Variants in ATR observed in about 807,000 individuals in gnomAD.
The protein encoded by ATR is ATR checkpoint kinase, also known as serine/threonine-protein kinase ATR.
In ATR, 142 loss-of-function variants were observed where a neutral mutation model predicts 305.3. The ratio of observed to expected loss-of-function variants is 0.47; its 90% CI spans 0.41 to 0.53. The LOEUF is 0.53. Among genes scored for constraint, ATR ranks in the 20% least tolerant of loss-of-function variants. The probability of loss-of-function intolerance (pLI) is 0.00; values close to 1 mark genes in which losing one functional copy is unlikely to be tolerated. For missense variants in ATR, 2,135 were observed against 3,133.1 expected (o/e 0.68, Z 7.60); for synonymous variants, 1,050 against 1,068.1 (o/e 0.98, Z 0.33).
rs1364520239 is a variant in ATR at position 142,468,011 on chromosome 3, T to C, written c.6610A>G (p.Met2204Val). 2 of 1,613,096 alleles carry C rather than the reference T, an allele frequency of 1.2e-6. No homozygotes were observed. Among genetic ancestry groups the C allele is most frequent in the East Asian group, 2.2e-5 (1 of 44,734 alleles). ...ACAAACTTCTCTAAGGATTTTTTCA[T>C]ATGAATAGCTTTATTGAGGATTTCC... ...CKEILNKAIHMKKSLEKFVGD... is the reference protein window; with the variant it reads ...CKEILNKAIHVKKSLEKFVGD... Residue 2204 changes from methionine to valine, a missense_variant, in exon 39 of 47, where the codon ATG (methionine) becomes GTG (valine). By Grantham distance (21) the Met-to-Val change is conservative. Around this residue, in one of 9 missense-constraint regions of ATR, gnomAD observed 462 missense variants for 887.6 expected, o/e 0.52. Coordinates refer to ENST00000350721, the MANE Select transcript of ATR (RefSeq NM_001184.4).
intron 32 of ATR, 120 bp from the exon 33 acceptor site, chr3:142,497,312 G>C (rs2031706832): frequency 3.0e-6 from 3 of 1,001,314 alleles, no homozygotes; most frequent in Admixed American, 2.5e-5. Context: ...GTCTTTGGTA[G>C]AACTTTAATA....
At chr3:142,451,882 A>G in intron 46 of ATR, 1 of 1,318,608 alleles carries the variant, frequency 7.6e-7, no homozygotes, top group Non-Finnish European at 1.0e-6. Flanking sequence ...AAGTTTTAAC[A>G]GGTTCAAGAA....
chr3:142,550,100 A>G (rs752225650), intron 14 of ATR, 32 bp downstream of exon 14: 4 of 1,611,762 alleles, frequency 2.5e-6, no homozygotes, highest in South Asian at 2.2e-5. Context: ...ACTGAATTGC[A>G]AACCTCAAGT....
At chr3:142,536,340 T>C in intron 19 of ATR, 139 bp from the exon 20 acceptor site, 1 of 653,218 alleles carries the variant, frequency 1.5e-6, no homozygotes, top group Non-Finnish European at 2.7e-6. Context: ...AAGTATTTTC[T>C]AACTATGTCT....
At chr3:142,514,455 C>T (rs1194182474) in intron 25 of ATR, among the ~76,000 whole-genome samples, 2 of 151,646 alleles carry the variant, frequency 1.3e-5, no homozygotes, top group Non-Finnish European at 2.9e-5. Context: ...CACGGTGAAA[C>T]CCCGTCTCTA....
intron 28 of ATR, among the ~76,000 whole-genome samples, chr3:142,507,280 C>T (rs1044613079): frequency 3.0e-4 from 45 of 152,192 alleles, no homozygotes; most frequent in African/African-American, 1.1e-3. Context: ...ATCATAACAT[C>T]GCCTAAATCA....
At chr3:142,519,414 G>A (rs1406597593) in intron 24 of ATR, among the ~76,000 whole-genome samples, 1 of 151,436 alleles carries the variant, frequency 6.6e-6, no homozygotes, top group Non-Finnish European at 1.5e-5. Context: ...TGATTCTCCT[G>A]CCCCAGCCTC....
chr3:142,560,494 T>C (rs2034837516), intron 5 of ATR, 40 bp from the exon 6 acceptor site: 1 of 1,539,218 alleles, frequency 6.5e-7, no homozygotes, highest in Non-Finnish European at 9.0e-7. Context: ...TCATATGCAA[T>C]ATAAATTTGG....
Position 142,512,306 on chromosome 3 carries a change from C to T in ATR, c.4806G>A (p.Glu1602=), listed in dbSNP as rs1559952973. ...ARHKFQALKA[E]KCPHSKSNRN... ...TGTTTGATTTGCTGTGTGGACATTTCTCAGCTTTCAGTGCCTGAAATTTGT... is the reference window on the plus strand; with the variant it reads ...TGTTTGATTTGCTGTGTGGACATTTTTCAGCTTTCAGTGCCTGAAATTTGT... Residue 1602 remains glutamate, a synonymous_variant, in exon 27 of 47, where the codon GAG becomes GAA. Transcript: ENST00000350721. 3 of 1,605,482 alleles carry T rather than the reference C, an allele frequency of 1.9e-6. No individual in the cohort carries two copies. Among genetic ancestry groups the T allele is most frequent in the Non-Finnish European group, 2.6e-6 (3 of 1,175,328 alleles).
intron 15 of ATR, among the ~76,000 whole-genome samples, chr3:142,548,621 A>G (rs2034356852): frequency 6.6e-6 from 1 of 151,552 alleles, no homozygotes; most frequent in Admixed American, 6.6e-5. Flanking sequence ...GTGAGCCGAG[A>G]TCGTGCCACT....
chr3:142,571,884 A>G (rs1283176436), intron 1 of ATR, among the ~76,000 whole-genome samples: 1 of 151,998 alleles, frequency 6.6e-6, no homozygotes, highest in Non-Finnish European at 1.5e-5. Context: ...CTCCTGCCTC[A>G]GCCTCCCAAG....
intron 33 of ATR, 30 bp from the exon 34 acceptor site, chr3:142,496,550 G>A: frequency 1.3e-6 from 2 of 1,596,984 alleles, no homozygotes; most frequent in Non-Finnish European, 1.7e-6. Context: ...ATTGGTGAGA[G>A]AGACCATTGG....
chr3:142,496,293 T>TAC (rs2031611786), intron 34 of ATR, 68 bp downstream of exon 34: 1 of 36,316 alleles, frequency 2.8e-5, no homozygotes, highest in African/African-American at 2.8e-4. Context: ...TATATATATA[T>TAC]ATATATATAT....
At chr3:142,462,202 G>A (rs774344261) in intron 41 of ATR, 112 bp from the exon 42 acceptor site, 75 of 1,071,646 alleles carry the variant, frequency 7.0e-5, no homozygotes, top group Admixed American at 3.2e-4. Flanking sequence ...TGTCATTGAA[G>A]GCTTACTATG....
At chr3:142,476,099 T>G (rs1309873136) in intron 36 of ATR, among the ~76,000 whole-genome samples, 1 of 152,234 alleles carries the variant, frequency 6.6e-6, no homozygotes, top group African/African-American at 2.4e-5. Context: ...TTTAGTTTAA[T>G]TAGACCCCAT....
chr3:142,560,432 G>C lies in ATR; in HGVS notation c.1372C>G (p.Gln458Glu). 1 of 1,612,064 alleles carries C rather than the reference G, an allele frequency of 6.2e-7. No individual in the cohort carries two copies. ...TEEIKHVDMNQKSILWSALKQ... is the reference protein window; with the variant it reads ...TEEIKHVDMNEKSILWSALKQ... ...AGTGCACTCCATAATATGCTCTTTT[G>C]GTTCATGTCCACATGTTTAATTCTA... is the stretch of plus-strand genomic sequence containing the variant. Residue 458 changes from glutamine (Q) to glutamate (E), a missense_variant, in exon 6 of 47, where the codon CAA becomes GAA. Around this residue, in one of 9 missense-constraint regions of ATR, gnomAD observed 744 missense variants for 873.2 expected, o/e 0.85. Coordinates refer to ENST00000350721, the MANE Select transcript of ATR (RefSeq NM_001184.4).
chr3:142,500,161 C>T lies in ATR; in HGVS notation c.5289-443G>A, dbSNP rs572806689. 4 of 176,868 alleles carry T rather than the reference C, an allele frequency of 2.3e-5. No individual in the cohort carries two copies. The South Asian group carries it at 4.9e-4, about 22-fold the overall frequency. The allele number at this position is 176,868 out of a possible 1,614,324, so 11.0% of individuals were successfully genotyped here. A position where few individuals can be genotyped will look rare whatever the true frequency, so the allele number is the denominator to read the frequency against. ...ATTTAAGACAAAAATACAGGGGGGC[C>T]AGTGGTATAACTTACGGACAGTTGG... On this transcript the variant is annotated intron_variant, in intron 30 of 46. Coordinates refer to ENST00000350721, the MANE Select transcript of ATR (RefSeq NM_001184.4).
chr3:142,474,494 G>A (rs1182955051), intron 36 of ATR, among the ~76,000 whole-genome samples: 4 of 152,036 alleles, frequency 2.6e-5, no homozygotes, highest in Non-Finnish European at 4.4e-5. Flanking sequence ...TGTAGCTACT[G>A]TAAATGAGAT....
intron 36 of ATR, among the ~76,000 whole-genome samples, chr3:142,483,288 A>T (rs2030660907): frequency 6.6e-6 from 1 of 151,004 alleles, no homozygotes. Flanking sequence ...GCAATGGTAC[A>T]TGAGTATGAT....
Sources: allele counts gnomAD v4.1 joint callset (sites outside exome capture counted in the v4.1 genomes callset), GRCh38; gene constraint gnomAD v4.1.1; regional missense constraint gnomAD v4.1.1; transcripts MANE v1.5; gene names NCBI Gene and HGNC (gene_info 2026-07-23, HGNC 2026-07-21).